The following RBFOX1 variants were observed in gnomAD, a reference collection of about 807,000 sequenced individuals.
RBFOX1 encodes RNA binding fox-1 homolog 1, also known as RNA binding protein fox-1 homolog 1.
Under a neutral mutation model 57.7 loss-of-function variants are expected in RBFOX1, and 8 were observed. The ratio of observed to expected loss-of-function variants is 0.14; its 90% CI spans 0.08 to 0.25. The LOEUF (loss-of-function observed/expected upper bound fraction) is 0.25, where lower values mean the gene tolerates loss of function less well. RBFOX1 is among the 10% of genes least tolerant of loss of function. RBFOX1 has a pLI of 1.00. For missense variants in RBFOX1, 611 were observed against 548.5 expected, an observed-to-expected ratio of 1.11 and a Z score of -1.14; for synonymous variants, 326 against 222.4, an observed-to-expected ratio of 1.47 and a Z score of -4.15.
intron 4 of RBFOX1, among the ~76,000 whole-genome samples, chr16:7,319,278 A>G (rs190568490): frequency 6.6e-6 from 1 of 152,054 alleles, no homozygotes; most frequent in Admixed American, 6.6e-5. Context: ...TTGTTGGGGG[A>G]GATGTAAATG....
At chr16:7,624,500 C>A (rs1481711919) in intron 10 of RBFOX1, among the ~76,000 whole-genome samples, 1 of 152,202 alleles carries the variant, frequency 6.6e-6, no homozygotes, top group East Asian at 1.9e-4. Flanking sequence ...ATGTCATCCT[C>A]TGGAAAAGCA....
intron 2 of RBFOX1, among the ~76,000 whole-genome samples, chr16:6,497,383 T>C (rs1410640811): frequency 6.6e-6 from 1 of 152,134 alleles, no homozygotes; most frequent in African/African-American, 2.4e-5. Flanking sequence ...CTAAAAGTTC[T>C]TCATTTCTCA....
rs573046054 is a variant in RBFOX1 at position 7,441,228 on chromosome 16, A to C, written c.28-76919A>C. Among the ~76,000 whole-genome samples the C allele has an allele frequency of 1.1e-4, 16 of 152,332 alleles. 1 individual carries two copies. Among genetic ancestry groups the C allele is most frequent in the Middle Eastern group, 3.4e-3 (1 of 294 alleles). On this transcript the variant is annotated intron_variant, in intron 4 of 15. Transcript: ENST00000550418. Reference sequence around the variant, plus strand: ...GCATGACTTGGCGATTCGACCTCTGAAAGCTCTGCAAGGCTAGGAATTTAT... The same window carrying C: ...GCATGACTTGGCGATTCGACCTCTGCAAGCTCTGCAAGGCTAGGAATTTAT...
At chr16:7,105,481 T>G (rs1168393643) in intron 4 of RBFOX1, among the ~76,000 whole-genome samples, 2 of 152,082 alleles carry the variant, frequency 1.3e-5, no homozygotes, top group East Asian at 1.9e-4. Context: ...TTACTGCACT[T>G]CCACCCTTTC....
intron 3 of RBFOX1, among the ~76,000 whole-genome samples, chr16:5,662,527 T>C (rs888172529): frequency 2.6e-5 from 4 of 152,220 alleles, no homozygotes; most frequent in African/African-American, 9.6e-5. Flanking sequence ...TTTGACTTGG[T>C]AGATCTCCCT....
intron 2 of RBFOX1, among the ~76,000 whole-genome samples, chr16:6,379,487 A>T (rs529010019): frequency 9.9e-5 from 15 of 152,224 alleles, no homozygotes; most frequent in African/African-American, 3.6e-4. Context: ...GGGGAAATTC[A>T]GAGTTCATAG....
chr16:7,100,565 GTTTT>G (rs201889492), intron 4 of RBFOX1, among the ~76,000 whole-genome samples: 22 of 118,756 alleles, frequency 1.9e-4, no homozygotes, highest in Middle Eastern at 4.5e-3. Flanking sequence ...TTTAAAGGTT[GTTTT>G]TTTTTTTTTT....
chr16:5,956,729 C>G (rs2059651297), intron 4 of RBFOX1, among the ~76,000 whole-genome samples: 2 of 142,670 alleles, frequency 1.4e-5, no homozygotes, highest in South Asian at 4.4e-4. Context: ...AGTGCACTGG[C>G]ACAATCATGG....
intron 1 of RBFOX1, among the ~76,000 whole-genome samples, chr16:6,287,918 G>T (rs4274443): frequency 0.16 from 24,284 of 152,032 alleles, 2,308 homozygotes; most frequent in Non-Finnish European, 0.2. Flanking sequence ...ATGCTTTCCT[G>T]TCCTAAAATT....
chr16:7,025,596 G>A (rs967381201), intron 3 of RBFOX1, among the ~76,000 whole-genome samples: 5 of 152,078 alleles, frequency 3.3e-5, no homozygotes, highest in African/African-American at 7.2e-5. Context: ...ATGCTTCTCA[G>A]CCTCAGAGCT....
At chr16:5,745,302 A>G (rs894870644) in intron 3 of RBFOX1, among the ~76,000 whole-genome samples, 4 of 152,212 alleles carry the variant, frequency 2.6e-5, no homozygotes, top group Non-Finnish European at 5.9e-5. Flanking sequence ...ATAGTATCCC[A>G]TGGTGTATAT....
At chr16:6,550,295 A>G (rs2110615) in intron 2 of RBFOX1, among the ~76,000 whole-genome samples, 151,675 of 152,214 alleles carry the variant, frequency 1, 75,570 homozygotes, top group Middle Eastern at 1. Flanking sequence ...TCTTGCCTCA[A>G]CCTTCCAAAC....
At chr16:5,878,082 G>A (rs1233800814) in intron 4 of RBFOX1, among the ~76,000 whole-genome samples, 1 of 152,190 alleles carries the variant, frequency 6.6e-6, no homozygotes, top group Non-Finnish European at 1.5e-5. Context: ...TAATCTGAAA[G>A]CAAGCTTGAA....
intron 1 of RBFOX1, among the ~76,000 whole-genome samples, chr16:6,264,060 T>C (rs1384928508): frequency 6.6e-6 from 1 of 152,192 alleles, no homozygotes; most frequent in Non-Finnish European, 1.5e-5. Context: ...GAATTTGCAA[T>C]GGGGATTCGA....
At chr16:6,046,368 G>A (rs1200710055) in intron 1 of RBFOX1, among the ~76,000 whole-genome samples, 1 of 152,164 alleles carries the variant, frequency 6.6e-6, no homozygotes, top group Non-Finnish European at 1.5e-5. Context: ...CTCACATGGG[G>A]AGGATAGCTG....
intron 4 of RBFOX1, among the ~76,000 whole-genome samples, chr16:7,214,384 C>G (rs1341706734): frequency 6.6e-6 from 1 of 152,096 alleles, no homozygotes; most frequent in South Asian, 2.1e-4. Flanking sequence ...TCAAGCTAAA[C>G]ACTTCTTTGT....
At chr16:5,358,693 CATGT>C (rs1421774770) in intron 1 of RBFOX1, among the ~76,000 whole-genome samples, 5 of 152,240 alleles carry the variant, frequency 3.3e-5, no homozygotes, top group African/African-American at 9.6e-5. Context: ...TGTGGTGGCG[CATGT>C]ATGCCTATAA....
intron 4 of RBFOX1, among the ~76,000 whole-genome samples, chr16:7,095,111 TC>T (rs1217936416): frequency 6.6e-6 from 1 of 152,144 alleles, no homozygotes; most frequent in Non-Finnish European, 1.5e-5. Flanking sequence ...TTTCTTTCTT[TC>T]TTTTTTCTTT....
intron 2 of RBFOX1, among the ~76,000 whole-genome samples, chr16:6,426,012 A>C (rs1188652135): frequency 6.6e-6 from 1 of 151,534 alleles, no homozygotes; most frequent in Non-Finnish European, 1.5e-5. Context: ...ATGTTACTGA[A>C]TTGTAGAATC....
Sources: gnomAD v4.1 joint callset for allele counts (sites outside exome capture counted in the v4.1 genomes callset) on GRCh38, gnomAD v4.1.1 for gene constraint, MANE v1.5 for transcripts, NCBI Gene and HGNC (gene_info 2026-07-23, HGNC 2026-07-21) for gene names.